Variants in ERBB4 observed in about 807,000 individuals in gnomAD.
The protein encoded by ERBB4 is erb-b2 receptor tyrosine kinase 4, also known as receptor tyrosine-protein kinase erbB-4.
Under a neutral mutation model 158.0 loss-of-function variants are expected in ERBB4, and 42 were observed. The observed-to-expected ratio is 0.27, with a 90% CI of 0.21 to 0.34. The LOEUF is 0.34. ERBB4 is among the 10% of genes least tolerant of loss of function. ERBB4 has a pLI of 1.00. For missense variants in ERBB4, 1,333 were observed against 1,624.1 expected, an observed-to-expected ratio of 0.82 and a Z score of 3.08; for synonymous variants, 583 against 558.7, an observed-to-expected ratio of 1.04 and a Z score of -0.61.
chr2:212,238,891 T>C (rs974928362), intron 1 of ERBB4, among the ~76,000 whole-genome samples: 11 of 152,136 alleles, frequency 7.2e-5, no homozygotes, highest in African/African-American at 2.7e-4. Flanking sequence ...TATTCGGGTC[T>C]TATGTAGAGT....
intron 19 of ERBB4, among the ~76,000 whole-genome samples, chr2:211,565,564 G>A (rs769549302): frequency 1.2e-4 from 19 of 152,138 alleles, no homozygotes; most frequent in Non-Finnish European, 1.5e-4. Context: ...TCTTGTCAAA[G>A]TATTTCACTT....
chr2:212,202,889 G>A (rs2082629193), intron 1 of ERBB4, among the ~76,000 whole-genome samples: 1 of 151,650 alleles, frequency 6.6e-6, no homozygotes, highest in Admixed American at 6.6e-5. Flanking sequence ...TTAGTTTCTG[G>A]TAAAAAGTTT....
At chr2:211,649,850 T>C (rs1225315894) in intron 16 of ERBB4, among the ~76,000 whole-genome samples, 1 of 151,902 alleles carries the variant, frequency 6.6e-6, no homozygotes, top group Non-Finnish European at 1.5e-5. Flanking sequence ...ATTACACCTC[T>C]TTGGGTTTAA....
intron 20 of ERBB4, among the ~76,000 whole-genome samples, chr2:211,488,800 C>A (rs188719231): frequency 6.6e-6 from 1 of 152,074 alleles, no homozygotes; most frequent in Admixed American, 6.6e-5. Context: ...GAAATGAAAT[C>A]TCAGACATTG....
chr2:212,194,685 A>G (rs2082369829), intron 1 of ERBB4, among the ~76,000 whole-genome samples: 1 of 151,990 alleles, frequency 6.6e-6, no homozygotes, highest in Non-Finnish European at 1.5e-5. Context: ...GTCCTTAGAG[A>G]CAGCTCTGTT....
chr2:212,399,571 TATATATATATATATTG>T lies in ERBB4; in HGVS notation c.82+138862_82+138877del, dbSNP rs1560214523. On this transcript the variant is annotated intron_variant, in intron 1 of 27. Transcript: ENST00000342788. Reference sequence around the variant, plus strand: ...ATATATATATATATATATATATATATATATATATATATATTGGGCGTGGTGTCTTATGCCTGTAATC... The same window carrying T: ...ATATATATATATATATATATATATATGGCGTGGTGTCTTATGCCTGTAATC... Among the ~76,000 whole-genome samples the T allele has an allele frequency of 2.0e-3, 54 of 26,526 alleles. 1 individual carries two copies. The highest frequency in any genetic ancestry group is 0.02 in the African/African-American group (54 of 2,676). 17.4% of individuals were successfully genotyped at this position (26,526 alleles called of 152,430 possible).
chr2:212,416,477 A>T (rs979448642), intron 1 of ERBB4, among the ~76,000 whole-genome samples: 1 of 152,106 alleles, frequency 6.6e-6, no homozygotes, highest in African/African-American at 2.4e-5. Context: ...TTTTCTTTTT[A>T]TATTAAAAAA....
chr2:211,451,382 A>C lies in ERBB4; in HGVS notation c.2488-20282T>G, dbSNP rs529988606. Among the ~76,000 whole-genome samples the C allele has an allele frequency of 2.0e-5, 3 of 152,340 alleles. No individual in the cohort carries two copies. In the East Asian group the frequency reaches 5.8e-4, roughly 29 times the overall value. Reference sequence around the variant, plus strand: ...GAAATTGGAGATGAAAAAGGAAAACAGTATTTGTAGACTATTCTTTCAAGA... The same window carrying C: ...GAAATTGGAGATGAAAAAGGAAAACCGTATTTGTAGACTATTCTTTCAAGA... On this transcript the variant is annotated intron_variant, in intron 20 of 27. Transcript: ENST00000342788.
intron 1 of ERBB4, among the ~76,000 whole-genome samples, chr2:212,490,390 A>T (rs1432034757): frequency 6.6e-6 from 1 of 151,412 alleles, no homozygotes; most frequent in Non-Finnish European, 1.5e-5. Flanking sequence ...TCCTTTTATT[A>T]ATTTCACTTT....
At chr2:212,344,348 G>A (rs570493763) in intron 1 of ERBB4, among the ~76,000 whole-genome samples, 4 of 152,108 alleles carry the variant, frequency 2.6e-5, no homozygotes, top group East Asian at 1.9e-4. Flanking sequence ...ACCCAGTTGC[G>A]ACAACCAAAA....
intron 3 of ERBB4, among the ~76,000 whole-genome samples, chr2:211,898,058 C>T (rs902887362): frequency 1.3e-5 from 2 of 151,626 alleles, no homozygotes; most frequent in African/African-American, 4.8e-5. Flanking sequence ...GCCATTTCAC[C>T]CAGGCTGATT....
At chr2:212,398,102 ATGTGTG>A (rs143581724) in intron 1 of ERBB4, among the ~76,000 whole-genome samples, 87,567 of 149,634 alleles carry the variant, frequency 0.59, 27,069 homozygotes, top group African/African-American at 0.78. Context: ...ATACATATAT[ATGTGTG>A]TGTGTGTGTG....
intron 1 of ERBB4, among the ~76,000 whole-genome samples, chr2:212,149,169 TA>T (rs57137213): frequency 0.056 from 8,438 of 151,266 alleles, 423 homozygotes; most frequent in African/African-American, 0.13. Flanking sequence ...ATATAATAAT[TA>T]AAAAAAAATT....
intron 4 of ERBB4, among the ~76,000 whole-genome samples, chr2:211,772,946 T>TAG: frequency 1.2e-5 from 1 of 85,512 alleles, no homozygotes; most frequent in East Asian, 4.2e-4. Flanking sequence ...TATATATATA[T>TAG]ATATATATAT....
chr2:211,538,436 C>G (rs916637525), intron 20 of ERBB4, among the ~76,000 whole-genome samples: 1 of 151,730 alleles, frequency 6.6e-6, no homozygotes, highest in Admixed American at 6.6e-5. Flanking sequence ...GACAATTTTA[C>G]TCTTTCCAGC....
intron 2 of ERBB4, among the ~76,000 whole-genome samples, chr2:211,991,156 C>T (rs1036688799): frequency 6.6e-6 from 1 of 151,946 alleles, no homozygotes; most frequent in African/African-American, 2.4e-5. Context: ...AATATCTATT[C>T]TATTGAATGC....
intron 20 of ERBB4, among the ~76,000 whole-genome samples, chr2:211,515,248 C>G (rs2065991623): frequency 6.6e-6 from 1 of 152,110 alleles, no homozygotes; most frequent in African/African-American, 2.4e-5. Context: ...TCTTGCCCAT[C>G]ACCCTGGTGA....
At position 211,922,172 on chromosome 2, in the gene ERBB4, C is replaced by T. The variant is rs374461971; in HGVS notation, c.421+25258G>A. Reference sequence around the variant, plus strand: ...AGAAAGCCCAAGAACTAAGTGGGTACGCCCTTTTGATAACTGCCCTATCAC... The same window carrying T: ...AGAAAGCCCAAGAACTAAGTGGGTATGCCCTTTTGATAACTGCCCTATCAC... On this transcript the variant is annotated intron_variant, in intron 3 of 27. Coordinates refer to ENST00000342788, the MANE Select transcript of ERBB4 (RefSeq NM_005235.3). Among the ~76,000 whole-genome samples the T allele has an allele frequency of 1.3e-4, 20 of 152,198 alleles. No homozygotes were observed. In the East Asian group the frequency reaches 1.5e-3, roughly 12 times the overall value.
chr2:212,502,513 C>T (rs1012222667), intron 1 of ERBB4, among the ~76,000 whole-genome samples: 3 of 152,094 alleles, frequency 2.0e-5, no homozygotes, highest in Non-Finnish European at 2.9e-5. Context: ...TATATTTTTA[C>T]CTTAAGGCTG....
Sources: gnomAD v4.1 joint callset for allele counts (sites outside exome capture counted in the v4.1 genomes callset) on GRCh38, gnomAD v4.1.1 for gene constraint, MANE v1.5 for transcripts, NCBI Gene and HGNC (gene_info 2026-07-23, HGNC 2026-07-21) for gene names.